Variants in PSME4 observed in about 807,000 individuals in gnomAD.
PSME4 encodes proteasome activator complex subunit 4.
In PSME4, 89 loss-of-function variants were observed where a neutral mutation model predicts 253.9. That is an observed-to-expected ratio of 0.35 (90% CI 0.30 to 0.42). The LOEUF is 0.42. Ranked by LOEUF, PSME4 falls within the 10% of genes least tolerant of loss-of-function variation. The pLI is 1.00. For missense variants in PSME4, 2,014 were observed against 2,195.2 expected (o/e 0.92, Z 1.65); for synonymous variants, 851 against 759.2 (o/e 1.12, Z -1.99).
At chr2:53,961,233 A>G (rs1670483535) in intron 1 of PSME4, among the ~76,000 whole-genome samples, 1 of 152,248 alleles carries the variant, frequency 6.6e-6, no homozygotes. Context: ...CAATGAATGT[A>G]GAGGTTTTCT....
intron 20 of PSME4, among the ~76,000 whole-genome samples, chr2:53,914,217 G>C (rs879201148): frequency 3.9e-5 from 6 of 152,130 alleles, no homozygotes; most frequent in African/African-American, 1.2e-4. Context: ...TCCTGTGATA[G>C]CTGGTTAGAC....
At chr2:53,941,649 T>C (rs1297287161) in intron 3 of PSME4, among the ~76,000 whole-genome samples, 9 of 152,102 alleles carry the variant, frequency 5.9e-5, no homozygotes, top group Non-Finnish European at 2.9e-5. Flanking sequence ...AGTAACAAAG[T>C]ATAGAATTAA....
intron 20 of PSME4, among the ~76,000 whole-genome samples, chr2:53,917,070 A>G (rs1313583630): frequency 6.6e-6 from 1 of 150,974 alleles, no homozygotes; most frequent in African/African-American, 2.4e-5. Flanking sequence ...AGTATCAGGA[A>G]GCATTTTATA....
rs1313811789 is a variant in PSME4 at position 53,877,817 on chromosome 2, CT to C, written c.4816-2063del. ...GTCATAACAAAGGCATGATTCAGTTCTTTTTTTGTTATGGGTATGCAAAGAC... is the reference window on the plus strand; with the variant it reads ...GTCATAACAAAGGCATGATTCAGTTCTTTTTTGTTATGGGTATGCAAAGAC... On this transcript the variant is annotated intron_variant, in intron 41 of 46. Transcript: ENST00000404125. Among the ~76,000 whole-genome samples the C allele has an allele frequency of 5.9e-5, 9 of 152,218 alleles. No homozygotes were observed. The South Asian group carries it at 1.9e-3, about 32-fold the overall frequency.
chr2:53,918,504 G>A (rs1453388717), intron 20 of PSME4, among the ~76,000 whole-genome samples: 1 of 151,964 alleles, frequency 6.6e-6, no homozygotes, highest in Non-Finnish European at 1.5e-5. Context: ...ACCACGTCCA[G>A]CTCATTTTTG....
chr2:53,969,401 T>C (rs761428655), intron 1 of PSME4, among the ~76,000 whole-genome samples: 37 of 152,132 alleles, frequency 2.4e-4, no homozygotes, highest in African/African-American at 5.1e-4. Flanking sequence ...CCCTTAATAA[T>C]TGGCAGATGA....
intron 41 of PSME4, among the ~76,000 whole-genome samples, chr2:53,876,473 G>A (rs530251136): frequency 3.9e-5 from 6 of 152,208 alleles, no homozygotes; most frequent in African/African-American, 1.4e-4. Context: ...AACATAAGTG[G>A]TGCTGTGTAT....
chr2:53,895,411 G>A (rs1440410850), intron 33 of PSME4, among the ~76,000 whole-genome samples, 172 bp downstream of exon 33: 2 of 152,168 alleles, frequency 1.3e-5, no homozygotes, highest in African/African-American at 4.8e-5. Context: ...TTTGCACAAG[G>A]AAAGAGGCAG....
intron 31 of PSME4, among the ~76,000 whole-genome samples, chr2:53,897,502 A>G (rs911339954): frequency 1.3e-5 from 2 of 152,024 alleles, no homozygotes; most frequent in Admixed American, 6.6e-5. Flanking sequence ...TCTTTCTCCA[A>G]TGCTTCAGCT....
intron 41 of PSME4, among the ~76,000 whole-genome samples, chr2:53,884,507 C>G (rs1679549769): frequency 6.6e-6 from 1 of 152,216 alleles, no homozygotes; most frequent in African/African-American, 2.4e-5. Flanking sequence ...CCACACCGGG[C>G]CTCTATCGTA....
intron 37 of PSME4, among the ~76,000 whole-genome samples, chr2:53,889,209 T>G (rs555752079): frequency 6.6e-6 from 1 of 152,158 alleles, no homozygotes; most frequent in Non-Finnish European, 1.5e-5. Context: ...ATAAGTATAG[T>G]CGTCCCTTGG....
At chr2:53,931,722 C>G in intron 10 of PSME4, 113 bp downstream of exon 10, 5 of 1,127,192 alleles carry the variant, frequency 4.4e-6, no homozygotes, top group Non-Finnish European at 6.3e-6. Context: ...CCTCTAGGAA[C>G]AGGAATAAGC....
At chr2:53,947,727 C>T (rs1263374608) in intron 3 of PSME4, among the ~76,000 whole-genome samples, 2 of 99,600 alleles carry the variant, frequency 2.0e-5, no homozygotes, top group Non-Finnish European at 4.2e-5. Context: ...AACAAAAACA[C>T]TGAAGAGGCC....
chr2:53,916,385 A>C (rs1440703079), intron 20 of PSME4, among the ~76,000 whole-genome samples: 1 of 152,160 alleles, frequency 6.6e-6, no homozygotes, highest in Non-Finnish European at 1.5e-5. Flanking sequence ...CAGACATCTT[A>C]GACATTACAC....
chr2:53,912,242 G>C (rs1028190777), intron 20 of PSME4, among the ~76,000 whole-genome samples: 6 of 152,100 alleles, frequency 3.9e-5, no homozygotes, highest in African/African-American at 1.2e-4. Flanking sequence ...AGCTCTACAG[G>C]GCCTACTGTG....
At chr2:53,948,066 G>A (rs1669807675) in intron 3 of PSME4, among the ~76,000 whole-genome samples, 1 of 152,094 alleles carries the variant, frequency 6.6e-6, no homozygotes. Flanking sequence ...AAAATTTAAA[G>A]CTAGACCACA....
intron 12 of PSME4, 55 bp from the exon 13 acceptor site, chr2:53,926,078 G>A (rs1668544276): frequency 1.4e-6 from 2 of 1,435,386 alleles, no homozygotes; most frequent in African/African-American, 2.8e-5. Flanking sequence ...TTTTTTTCCT[G>A]AACTAACAAA....
intron 35 of PSME4, 123 bp from the exon 36 acceptor site, chr2:53,893,083 C>A (rs965610826): frequency 8.1e-6 from 6 of 743,232 alleles, no homozygotes; most frequent in African/African-American, 7.1e-5. Context: ...CCCTTTAGAA[C>A]TGCTTTAACA....
intron 20 of PSME4, among the ~76,000 whole-genome samples, chr2:53,912,332 T>C (rs574877146): frequency 4.6e-5 from 7 of 152,340 alleles, no homozygotes; most frequent in African/African-American, 1.4e-4. Flanking sequence ...ATATAGGACA[T>C]ATCTGGGTAG....
Sources: gnomAD v4.1 joint callset for allele counts (sites outside exome capture counted in the v4.1 genomes callset) on GRCh38, gnomAD v4.1.1 for gene constraint, MANE v1.5 for transcripts, NCBI Gene and HGNC (gene_info 2026-07-23, HGNC 2026-07-21) for gene names.